Variants in PPP1R7 observed in about 807,000 individuals in gnomAD.
The protein encoded by PPP1R7 is protein phosphatase 1 regulatory subunit 22.
In PPP1R7, 18 loss-of-function variants were observed where a neutral mutation model predicts 45.2. The observed-to-expected ratio is 0.40, with a 90% confidence interval of 0.28 to 0.59. PPP1R7 has a LOEUF of 0.59. PPP1R7 is among the 20% of genes least tolerant of loss of function. The pLI, the probability that PPP1R7 is intolerant of heterozygous loss-of-function variation, is 0.46. For synonymous variants in PPP1R7, 181 were observed against 183.4 expected (o/e 0.99, Z 0.11); for missense variants, 314 against 455.8 (o/e 0.69, Z 2.83).
rs561761078 is a variant in PPP1R7, at chr2:241,182,632, T to C, written c.907-15T>C. 6 of 1,613,524 alleles carry C rather than the reference T, an allele frequency of 3.7e-6. No individual in the cohort carries two copies. In the South Asian group the frequency reaches 6.6e-5, roughly 18 times the overall value. On this transcript the variant is annotated splice_polypyrimidine_tract_variant and intron_variant, in intron 9 of 9. Coordinates refer to ENST00000234038, the MANE Select transcript of PPP1R7 (RefSeq NM_002712.3). ...TGTTTGGTTCTAAAGGCTTTTCTGCTGTGTGTGTCCCCAGATGAACGACAA... is the reference window on the plus strand; with the variant it reads ...TGTTTGGTTCTAAAGGCTTTTCTGCCGTGTGTGTCCCCAGATGAACGACAA...
chr2:241,173,214 G>A (rs1248665261), intron 9 of PPP1R7, among the ~76,000 whole-genome samples: 2 of 142,938 alleles, frequency 1.4e-5, no homozygotes, highest in Admixed American at 7.2e-5. Context: ...AGAGGTTGCA[G>A]TGAGCCAAGA....
intron 9 of PPP1R7, among the ~76,000 whole-genome samples, chr2:241,176,303 T>C (rs74764697): frequency 0.012 from 1,848 of 152,300 alleles, 13 homozygotes; most frequent in Middle Eastern, 0.02. Context: ...TTGGAAAATA[T>C]GTTATCCACA....
At chr2:241,178,590 A>T (rs12473813) in intron 9 of PPP1R7, among the ~76,000 whole-genome samples, 1 of 116,536 alleles carries the variant, frequency 8.6e-6, no homozygotes, top group African/African-American at 3.5e-5. Context: ...CCGAGTAGCT[A>T]GGACTACAGG....
intron 1 of PPP1R7, among the ~76,000 whole-genome samples, chr2:241,152,593 C>T (rs1178986412): frequency 6.6e-6 from 1 of 152,160 alleles, no homozygotes; most frequent in Non-Finnish European, 1.5e-5. Context: ...CTAGGCTAAG[C>T]GGGAAGTACA....
chr2:241,165,923 G>A (rs1010296776), intron 7 of PPP1R7, among the ~76,000 whole-genome samples: 3 of 139,036 alleles, frequency 2.2e-5, no homozygotes, highest in African/African-American at 8.1e-5. Flanking sequence ...TTTTTTTTGA[G>A]ATGGAGTCTC....
chr2:241,167,813 G>T (rs1489022944), intron 8 of PPP1R7, among the ~76,000 whole-genome samples: 1 of 152,164 alleles, frequency 6.6e-6, no homozygotes, highest in East Asian at 1.9e-4. Context: ...ATGATCAAAT[G>T]TGACAGTCTT....
rs775914057 is a variant in PPP1R7 at position 241,183,355 on chromosome 2, G to C, written c.*532G>C. On this transcript the variant is annotated 3_prime_UTR_variant, in exon 10 of 10. Coordinates refer to ENST00000234038, the MANE Select transcript of PPP1R7 (RefSeq NM_002712.3). ...AAAAAGCTGGGTAAAAGCTGACTCA[G>C]CCCTGTGTGCTTGTGTTCCTTAGAG... The C allele has an allele frequency of 7.5e-5, 35 of 467,254 alleles. No homozygotes were observed. The highest frequency in any genetic ancestry group is 1.5e-4 in the Non-Finnish European group (35 of 225,954). The allele number at this position is 467,254 out of a possible 1,614,324, so 28.9% of individuals were successfully genotyped here. A position where few individuals can be genotyped will look rare whatever the true frequency, so the allele number is the denominator to read the frequency against.
At chr2:241,160,548 G>C in intron 6 of PPP1R7, 54 bp downstream of exon 6, 2 of 1,468,900 alleles carry the variant, frequency 1.4e-6, no homozygotes, top group East Asian at 4.8e-5. Flanking sequence ...CTAGCGGGCT[G>C]TGTGTGGACT....
At chr2:241,179,422 T>C (rs545752395) in intron 9 of PPP1R7, among the ~76,000 whole-genome samples, 1 of 152,224 alleles carries the variant, frequency 6.6e-6, no homozygotes, top group East Asian at 1.9e-4. Context: ...CAAAAATGTT[T>C]AGTCTGATCT....
Position 241,183,129 on chromosome 2 carries a change from A to G in PPP1R7, c.*306A>G, listed in dbSNP as rs2068036699. 4.8e-6 allele frequency: 2 copies of G among 418,264 alleles called. No homozygotes were observed. Among genetic ancestry groups the G allele is most frequent in the Non-Finnish European group, 9.0e-6 (2 of 221,294 alleles). 25.9% of individuals were successfully genotyped at this position (418,264 alleles called of 1,614,324 possible). A position where few individuals can be genotyped will look rare whatever the true frequency, so the allele number is the denominator to read the frequency against. ...TTTCCTTCTCTCAGAAGGCAGTCACAGTCCCTACCTGAGTCGTGTGAAACA... is the reference window on the plus strand; with the variant it reads ...TTTCCTTCTCTCAGAAGGCAGTCACGGTCCCTACCTGAGTCGTGTGAAACA... On this transcript the variant is annotated 3_prime_UTR_variant, in exon 10 of 10. Coordinates refer to ENST00000234038, the MANE Select transcript of PPP1R7 (RefSeq NM_002712.3).
At chr2:241,169,335 A>G (rs980873965) in intron 8 of PPP1R7, among the ~76,000 whole-genome samples, 1 of 152,214 alleles carries the variant, frequency 6.6e-6, no homozygotes, top group Non-Finnish European at 1.5e-5. Flanking sequence ...TCATCCCTAA[A>G]TGAAGAGAGG....
intron 9 of PPP1R7, among the ~76,000 whole-genome samples, chr2:241,178,303 T>C (rs1420873675): frequency 2.0e-5 from 3 of 152,222 alleles, no homozygotes; most frequent in South Asian, 2.1e-4. Context: ...TTTCAACCAC[T>C]TTGTCCTTTT....
intron 9 of PPP1R7, among the ~76,000 whole-genome samples, chr2:241,176,342 C>T (rs960808862): frequency 6.6e-6 from 1 of 152,180 alleles, no homozygotes; most frequent in Non-Finnish European, 1.5e-5. Context: ...AACATCCTTA[C>T]ATTAAAAACA....
At chr2:241,160,125 G>A (rs1276587903) in intron 5 of PPP1R7, among the ~76,000 whole-genome samples, 7 of 152,096 alleles carry the variant, frequency 4.6e-5, no homozygotes, top group South Asian at 2.1e-4. Context: ...GGCTTGCTCC[G>A]GGCTCCTGGG....
At chr2:241,177,979 T>A (rs1197910762) in intron 9 of PPP1R7, among the ~76,000 whole-genome samples, 1 of 152,220 alleles carries the variant, frequency 6.6e-6, no homozygotes, top group African/African-American at 2.4e-5. Context: ...CCATTTAAAT[T>A]ACATTGCAGG....
intron 9 of PPP1R7, among the ~76,000 whole-genome samples, chr2:241,177,575 A>T (rs1051678648): frequency 6.6e-6 from 1 of 152,246 alleles, no homozygotes; most frequent in African/African-American, 2.4e-5. Context: ...TTTCTATGAC[A>T]TACAAAAAGT....
At chr2:241,154,412 G>C (rs2067399568) in intron 2 of PPP1R7, among the ~76,000 whole-genome samples, 1 of 151,952 alleles carries the variant, frequency 6.6e-6, no homozygotes, top group Middle Eastern at 3.2e-3. Flanking sequence ...ATGTGGCCGG[G>C]CGTAATGGCT....
At chr2:241,179,338 A>G (rs186816682) in intron 9 of PPP1R7, among the ~76,000 whole-genome samples, 2 of 152,238 alleles carry the variant, frequency 1.3e-5, no homozygotes, top group African/African-American at 4.8e-5. Flanking sequence ...GCATGATAAA[A>G]CTTAGCATCC....
rs78930062 is a variant in PPP1R7, at chr2:241,164,104, A to G, written c.714+703A>G. On this transcript the variant is annotated intron_variant, in intron 7 of 9. Coordinates refer to ENST00000234038, the MANE Select transcript of PPP1R7 (RefSeq NM_002712.3). ...GCTAATTTTTGTATTTTATGTAGAG[A>G]AGGGGTTTCCCTATGTTGCCCAGGG... Among the ~76,000 whole-genome samples, 355 of 152,070 alleles carry G rather than the reference A, an allele frequency of 2.3e-3. 1 individual carries two copies. Among genetic ancestry groups the G allele is most frequent in the African/African-American group, 8.1e-3 (334 of 41,472 alleles).
Sources: gnomAD v4.1 joint callset for allele counts (sites outside exome capture counted in the v4.1 genomes callset) on GRCh38, gnomAD v4.1.1 for gene constraint, MANE v1.5 for transcripts, NCBI Gene and HGNC (gene_info 2026-07-23, HGNC 2026-07-21) for gene names.